SOX5: variants seen among roughly 807,000 people sequenced by gnomAD.
SOX5 encodes SRY-box transcription factor 5.
In SOX5, 9 loss-of-function variants were observed where a neutral mutation model predicts 92.0. The observed-to-expected ratio is 0.10, with a 90% CI of 0.06 to 0.17. SOX5 has a LOEUF of 0.17. Among genes scored for constraint, SOX5 ranks in the 10% least tolerant of loss-of-function variants. SOX5 has a pLI of 1.00. For synonymous variants in SOX5, 344 were observed against 336.3 expected (o/e 1.02, Z -0.25); for missense variants, 642 against 944.5 (o/e 0.68, Z 4.20).
chr12:23,546,515 C>G (rs1394087086), intron 11 of SOX5, 91 bp from the exon 12 acceptor site: 1 of 707,586 alleles, frequency 1.4e-6, no homozygotes, highest in Admixed American at 2.4e-5. Context: ...TACATTAACT[C>G]CTGGAAAGGA....
intron 9 of SOX5, among the ~76,000 whole-genome samples, chr12:23,582,852 T>C (rs1382967082): frequency 6.6e-6 from 1 of 152,158 alleles, no homozygotes; most frequent in East Asian, 1.9e-4. Flanking sequence ...ATTACATGTT[T>C]CTTTACATTT....
At chr12:24,499,251 C>T (rs749399970) in intron 1 of SOX5, among the ~76,000 whole-genome samples, 7 of 152,298 alleles carry the variant, frequency 4.6e-5, no homozygotes, top group South Asian at 4.1e-4. Context: ...CCCTGCCTGG[C>T]GCTAAGAATA....
intron 8 of SOX5, among the ~76,000 whole-genome samples, chr12:23,629,435 G>A (rs1047983642): frequency 1.3e-4 from 19 of 151,988 alleles, no homozygotes; most frequent in Admixed American, 1.2e-3. Context: ...GTTAATATCT[G>A]TTTTAGCCAG....
chr12:24,080,059 T>C (rs138294170), intron 4 of SOX5, among the ~76,000 whole-genome samples: 72 of 152,068 alleles, frequency 4.7e-4, no homozygotes, highest in African/African-American at 1.7e-3. Context: ...GGAACAATTA[T>C]ATATTGTTTT....
chr12:24,071,487 T>G (rs1941763747), intron 4 of SOX5, among the ~76,000 whole-genome samples: 1 of 152,178 alleles, frequency 6.6e-6, no homozygotes, highest in Non-Finnish European at 1.5e-5. Context: ...CAAGCTGGAG[T>G]GCAGTGGCGC....
intron 10 of SOX5, among the ~76,000 whole-genome samples, chr12:23,572,096 C>T (rs886126197): frequency 2.6e-5 from 4 of 152,154 alleles, no homozygotes; most frequent in Admixed American, 2.6e-4. Context: ...CATTTGCGTA[C>T]CATATCAAAA....
chr12:23,899,409 GAAA>G (rs754805392), intron 1 of SOX5, among the ~76,000 whole-genome samples: 1 of 120,036 alleles, frequency 8.3e-6, no homozygotes, highest in Non-Finnish European at 1.9e-5. Flanking sequence ...TGAAAAAAAA[GAAA>G]AAAAAAAAAA....
intron 4 of SOX5, among the ~76,000 whole-genome samples, chr12:24,035,176 CTT>C (rs1955900919): frequency 6.6e-6 from 1 of 152,106 alleles, no homozygotes; most frequent in African/African-American, 2.4e-5. Flanking sequence ...GGGTAGAAAA[CTT>C]GATATAGTTA....
intron 1 of SOX5, among the ~76,000 whole-genome samples, chr12:24,398,319 A>T (rs974435755): frequency 3.9e-5 from 6 of 152,218 alleles, no homozygotes; most frequent in African/African-American, 1.4e-4. Flanking sequence ...CCTGAGCAAC[A>T]TACCAAAATC....
chr12:23,588,553 C>A (rs1013966828), intron 9 of SOX5, among the ~76,000 whole-genome samples: 3 of 151,968 alleles, frequency 2.0e-5, no homozygotes, highest in Non-Finnish European at 2.9e-5. Flanking sequence ...TATAGCAACT[C>A]TAATGACATC....
intron 3 of SOX5, among the ~76,000 whole-genome samples, chr12:23,808,042 T>G (rs1360082550): frequency 1.3e-5 from 2 of 152,016 alleles, no homozygotes; most frequent in African/African-American, 4.8e-5. Context: ...AATTCAAATA[T>G]CTCAATAGTT....
chr12:24,266,359 A>T (rs185847886), intron 3 of SOX5, among the ~76,000 whole-genome samples: 1 of 152,192 alleles, frequency 6.6e-6, no homozygotes, highest in Non-Finnish European at 1.5e-5. Flanking sequence ...TATATGGCAA[A>T]TTGCTAGAAG....
At chr12:24,185,628 T>C (rs1200281186) in intron 4 of SOX5, among the ~76,000 whole-genome samples, 2 of 152,160 alleles carry the variant, frequency 1.3e-5, no homozygotes, top group African/African-American at 4.8e-5. Context: ...TTTTGCTACT[T>C]ACTACCTGTG....
intron 3 of SOX5, among the ~76,000 whole-genome samples, chr12:24,252,704 A>G (rs921221248): frequency 3.9e-5 from 6 of 152,086 alleles, no homozygotes; most frequent in African/African-American, 1.2e-4. Context: ...AAAAAAAAAA[A>G]AAGAGGGTTG....
intron 2 of SOX5, among the ~76,000 whole-genome samples, chr12:24,363,490 G>T (rs1955827304): frequency 6.6e-6 from 1 of 152,128 alleles, no homozygotes. Context: ...GCATTTATAA[G>T]CCCACTGGTT....
intron 10 of SOX5, among the ~76,000 whole-genome samples, chr12:23,570,570 G>C (rs1369342137): frequency 1.3e-5 from 2 of 151,852 alleles, no homozygotes; most frequent in African/African-American, 4.8e-5. Context: ...TTGAGTCCAG[G>C]AGTATGAGGC....
intron 2 of SOX5, among the ~76,000 whole-genome samples, chr12:24,284,883 G>A (rs892456608): frequency 1.3e-5 from 2 of 152,148 alleles, no homozygotes; most frequent in African/African-American, 4.8e-5. Context: ...CCAGCACTTC[G>A]GGACGCTCAG....
chr12:24,463,520 A>T (rs995225394), intron 1 of SOX5, among the ~76,000 whole-genome samples: 1 of 152,168 alleles, frequency 6.6e-6, no homozygotes, highest in African/African-American at 2.4e-5. Flanking sequence ...AAATTTCTAA[A>T]CGCTTACAGA....
At position 23,575,764 on chromosome 12, in the gene SOX5, GGTGGGTGAT is replaced by G. The variant is rs1209526543; in HGVS notation, c.1230_1238del (p.Thr413_Pro415del). 17 of 1,612,498 alleles carry G rather than the reference GGTGGGTGAT, an allele frequency of 1.1e-5. No homozygotes were observed. The highest frequency in any genetic ancestry group is 1.4e-5 in the Non-Finnish European group (17 of 1,179,360). On this transcript the variant is annotated inframe_deletion, in exon 10 of 15. Transcript: ENST00000451604. ...TTCTCAGAGCTGGCATATGGGGAGA[GGTGGGTGAT>G]GTGGGTGATTTGCCATCAGAGGTCT...
Sources: allele counts gnomAD v4.1 joint callset (sites outside exome capture counted in the v4.1 genomes callset), GRCh38; gene constraint gnomAD v4.1.1; transcripts MANE v1.5; gene names NCBI Gene and HGNC (gene_info 2026-07-23, HGNC 2026-07-21).